Variants in HNMT observed in about 807,000 individuals in gnomAD.
The protein encoded by HNMT is histamine N-methyltransferase.
Under a neutral mutation model 32.1 loss-of-function variants are expected in HNMT, and 30 were observed. The observed-to-expected ratio is 0.93, with a 90% CI of 0.70 to 1.27. The LOEUF is 1.27. HNMT is among the 50% of genes most tolerant of loss of function. The pLI is 0.00. For missense variants in HNMT, 327 were observed against 346.0 expected (o/e 0.95, Z 0.43); for synonymous variants, 125 against 119.0 (o/e 1.05, Z -0.33).
intron 2 of HNMT, among the ~76,000 whole-genome samples, chr2:137,992,429 A>G (rs1374049727): frequency 6.6e-6 from 1 of 152,162 alleles, no homozygotes; most frequent in Admixed American, 6.5e-5. Context: ...TCACAGTCCA[A>G]CACATCTGCT....
chr2:138,001,045 C>T lies in HNMT; in HGVS notation c.298+20C>T, dbSNP rs1351238589. 3 of 1,273,014 alleles carry T rather than the reference C, an allele frequency of 2.4e-6. No homozygotes were observed. The highest frequency in any genetic ancestry group is 1.5e-5 in the African/African-American group (1 of 66,942). 78.9% of individuals were successfully genotyped at this position (1,273,014 alleles called of 1,614,324 possible). On this transcript the variant is annotated intron_variant, in intron 3 of 5. Coordinates refer to ENST00000280097, the MANE Select transcript of HNMT (RefSeq NM_006895.3). Reference sequence around the variant, plus strand: ...ACAAAGGTACCTGTAACTCCTGGTCCTCTACACCAGATCCTATCCCAAAAG... The same window carrying T: ...ACAAAGGTACCTGTAACTCCTGGTCTTCTACACCAGATCCTATCCCAAAAG...
At chr2:137,998,715 A>G (rs1366032931) in intron 2 of HNMT, among the ~76,000 whole-genome samples, 2 of 152,170 alleles carry the variant, frequency 1.3e-5, no homozygotes, top group Admixed American at 1.3e-4. Flanking sequence ...ACTGTGCTAG[A>G]TATATTTTGC....
In HNMT at chr2:137,981,591, G is replaced by C. The variant is rs1680501934; in HGVS notation, c.190+11374G>C. The C allele has an allele frequency of 1.6e-5, 9 of 547,122 alleles. No individual in the cohort carries two copies. In the South Asian group the frequency reaches 2.5e-4, roughly 15 times the overall value. 33.9% of individuals were successfully genotyped at this position (547,122 alleles called of 1,614,324 possible). A position where few individuals can be genotyped will look rare whatever the true frequency, so the allele number is the denominator to read the frequency against. ...TCCAATGGTTAGAACCTGACATTTA[G>C]TGGGTGCTCAATAATATTTGTTGAA... On this transcript the variant is annotated intron_variant, in intron 2 of 5. Transcript: ENST00000280097.
chr2:138,015,209 C>T lies in HNMT; in HGVS notation c.*1079C>T, dbSNP rs923898047. ...TGATGTTTCTTATTTTTAATAATAA[C>T]GCTCTGTTATTTTTGACATAAACAG... On this transcript the variant is annotated 3_prime_UTR_variant, in exon 6 of 6. Coordinates refer to ENST00000280097, the MANE Select transcript of HNMT (RefSeq NM_006895.3). 5.3e-5 allele frequency: 8 copies of T among 151,970 alleles called. No homozygotes were observed. Among genetic ancestry groups the T allele is most frequent in the Middle Eastern group, 3.4e-3 (1 of 294 alleles). The allele number at this position is 151,970 out of a possible 1,614,324, so 9.4% of individuals were successfully genotyped here. A position where few individuals can be genotyped will look rare whatever the true frequency, so the allele number is the denominator to read the frequency against.
At chr2:137,993,938 A>G (rs1333554699) in intron 2 of HNMT, among the ~76,000 whole-genome samples, 2 of 152,180 alleles carry the variant, frequency 1.3e-5, no homozygotes, top group African/African-American at 4.8e-5. Flanking sequence ...TAAGCAAAGG[A>G]GAAATAAAAT....
At chr2:137,986,755 A>G (rs1266183460) in intron 2 of HNMT, among the ~76,000 whole-genome samples, 1 of 152,226 alleles carries the variant, frequency 6.6e-6, no homozygotes, top group East Asian at 1.9e-4. Flanking sequence ...ATAAAAAAAG[A>G]GAATTAAAAA....
intron 4 of HNMT, among the ~76,000 whole-genome samples, chr2:138,004,478 G>A (rs955850448): frequency 1.3e-5 from 2 of 151,986 alleles, no homozygotes; most frequent in African/African-American, 4.8e-5. Context: ...AATTTCCCAC[G>A]TCAATGCCTA....
intron 2 of HNMT, among the ~76,000 whole-genome samples, chr2:137,997,606 A>T (rs1035435448): frequency 6.6e-6 from 1 of 152,324 alleles, no homozygotes; most frequent in Admixed American, 6.5e-5. Context: ...ATTGTGGAAG[A>T]CAGTATGGAG....
chr2:137,998,619 T>G (rs1423867235), intron 2 of HNMT, among the ~76,000 whole-genome samples: 1 of 152,104 alleles, frequency 6.6e-6, no homozygotes, highest in Admixed American at 6.6e-5. Context: ...AAACCAATGG[T>G]TTCCATATGT....
chr2:137,987,123 C>T (rs1282945566), intron 2 of HNMT, among the ~76,000 whole-genome samples: 2 of 152,116 alleles, frequency 1.3e-5, no homozygotes, highest in African/African-American at 4.8e-5. Context: ...TAGGGAGAAA[C>T]ATTTAATGTC....
intron 5 of HNMT, among the ~76,000 whole-genome samples, chr2:138,012,507 T>TA (rs773779678): frequency 1.1e-4 from 17 of 152,110 alleles, no homozygotes; most frequent in Non-Finnish European, 1.2e-4. Context: ...GAGATGAGAG[T>TA]AAAAAATCAT....
chr2:138,009,472 C>T (rs1219458650), intron 5 of HNMT, among the ~76,000 whole-genome samples: 1 of 152,014 alleles, frequency 6.6e-6, no homozygotes, highest in Non-Finnish European at 1.5e-5. Context: ...TTAACAACAA[C>T]ACATTTCCCT....
At chr2:137,972,211 T>C (rs1253858073) in intron 2 of HNMT, among the ~76,000 whole-genome samples, 4 of 152,158 alleles carry the variant, frequency 2.6e-5, no homozygotes. Context: ...TTCAAGCAAT[T>C]CTCCCTGCCT....
In HNMT at chr2:137,998,826, G is replaced by A. The variant is rs544952924; in HGVS notation, c.191-2092G>A. On this transcript the variant is annotated intron_variant, in intron 2 of 5. Coordinates refer to ENST00000280097, the MANE Select transcript of HNMT (RefSeq NM_006895.3). The stretch of plus-strand genomic sequence containing the variant: ...TTTCAGTTATCTTTTTCAAAATGTC[G>A]AATTTGAGATCCTCATAATTGATAA... Among the ~76,000 whole-genome samples, 10 of 152,214 alleles carry A rather than the reference G, an allele frequency of 6.6e-5. No individual in the cohort carries two copies. In the East Asian group the frequency reaches 1.5e-3, roughly 24 times the overall value.
chr2:137,972,913 G>A (rs567817753), intron 2 of HNMT, among the ~76,000 whole-genome samples: 112 of 152,234 alleles, frequency 7.4e-4, no homozygotes, highest in African/African-American at 2.4e-3. Context: ...AGAAAGGAAC[G>A]TTTGGCCTGC....
intron 4 of HNMT, chr2:138,002,780 T>C (rs1681214225): frequency 3.1e-6 from 3 of 973,528 alleles, no homozygotes; most frequent in Non-Finnish European, 3.7e-6. Flanking sequence ...GATGTTTATA[T>C]AGAGATTTGA....
At chr2:137,983,923 A>C (rs1680576256) in intron 2 of HNMT, among the ~76,000 whole-genome samples, 1 of 152,168 alleles carries the variant, frequency 6.6e-6, no homozygotes, top group Non-Finnish European at 1.5e-5. Flanking sequence ...TAGCTCAAAA[A>C]CAATTTTCTT....
At chr2:137,966,636 T>C (rs984443426) in intron 1 of HNMT, among the ~76,000 whole-genome samples, 2 of 152,222 alleles carry the variant, frequency 1.3e-5, no homozygotes, top group East Asian at 1.9e-4. Flanking sequence ...TGGTTTCTTT[T>C]CTTAGTTCTC....
At chr2:138,011,278 T>TGA (rs1681495643) in intron 5 of HNMT, among the ~76,000 whole-genome samples, 1 of 152,172 alleles carries the variant, frequency 6.6e-6, no homozygotes, top group Non-Finnish European at 1.5e-5. Context: ...TGTAATGTCT[T>TGA]GTTTGCCGGC....
Sources: gnomAD v4.1 joint callset for allele counts (sites outside exome capture counted in the v4.1 genomes callset) on GRCh38, gnomAD v4.1.1 for gene constraint, MANE v1.5 for transcripts, NCBI Gene and HGNC (gene_info 2026-07-23, HGNC 2026-07-21) for gene names.